Variants in TRAPPC12 observed in about 807,000 individuals in gnomAD.
TRAPPC12 encodes the protein TPR repeat protein 15.
Under a neutral mutation model 69.2 loss-of-function variants are expected in TRAPPC12, and 61 were observed. That is an observed-to-expected ratio of 0.88 (90% CI 0.72 to 1.09). TRAPPC12 has a LOEUF of 1.09. Ranked by LOEUF, TRAPPC12 falls within the 50% of genes least tolerant of loss-of-function variation. The pLI is 0.00. For missense variants in TRAPPC12, 1,101 were observed against 1,016.4 expected (o/e 1.08, Z -1.13); for synonymous variants, 469 against 438.9 (o/e 1.07, Z -0.86).
At chr2:3,465,890 T>C (rs1430227413) in intron 9 of TRAPPC12, 195 bp downstream of exon 9, 6 of 588,384 alleles carry the variant, frequency 1.0e-5, no homozygotes, top group Non-Finnish European at 9.1e-6. Context: ...CTGCTGGCTT[T>C]TGTGCCTGTT....
chr2:3,455,238 A>T (rs1209304790), intron 6 of TRAPPC12: 1 of 152,052 alleles, frequency 6.6e-6, no homozygotes, highest in Non-Finnish European at 1.5e-5. Flanking sequence ...ATAAATTTTA[A>T]TTTTTGTAGA....
At position 3,465,705 on chromosome 2, in the gene TRAPPC12, C is replaced by G. The variant is rs775275374; in HGVS notation, c.1776+10C>G. 1 of 1,599,050 alleles carries G rather than the reference C, an allele frequency of 6.3e-7. No homozygotes were observed. Among genetic ancestry groups the G allele is most frequent in the South Asian group, 1.1e-5 (1 of 90,802 alleles). On this transcript the variant is annotated intron_variant, in intron 9 of 11. Coordinates refer to ENST00000324266, the MANE Select transcript of TRAPPC12 (RefSeq NM_016030.6). ...CCGGATTTCCCTGCAGGTACCTGTG[C>G]ACGGTCAGACATGAGCCAGAAAGGC... is the stretch of plus-strand genomic sequence containing the variant.
At chr2:3,473,128 C>T (rs1351697336) in intron 9 of TRAPPC12, among the ~76,000 whole-genome samples, 1 of 152,180 alleles carries the variant, frequency 6.6e-6, no homozygotes, top group Non-Finnish European at 1.5e-5. Context: ...CTAATTTATG[C>T]ATTGACAGCC....
intron 3 of TRAPPC12, among the ~76,000 whole-genome samples, chr2:3,412,631 G>A (rs1041173599): frequency 7.9e-5 from 12 of 152,188 alleles, no homozygotes; most frequent in East Asian, 1.9e-4. Context: ...GCAAGTGCAG[G>A]TGAGCTCTGA....
rs369239490 is a variant in TRAPPC12, at chr2:3,402,045, C to T, written c.1164+152C>T. Reference sequence around the variant, plus strand: ...TTGGAGTAGATGCCAGTCCTGTGCACCAAAAAGCATCATATTAATACATGG... The same window carrying T: ...TTGGAGTAGATGCCAGTCCTGTGCATCAAAAAGCATCATATTAATACATGG... On this transcript the variant is annotated intron_variant, in intron 3 of 11. Coordinates refer to ENST00000324266, the MANE Select transcript of TRAPPC12 (RefSeq NM_016030.6). The T allele has an allele frequency of 2.6e-5, 15 of 569,060 alleles. No individual in the cohort carries two copies. In the African/African-American group the frequency reaches 2.7e-4, roughly 10 times the overall value. 35.3% of individuals were successfully genotyped at this position (569,060 alleles called of 1,614,324 possible). A position where few individuals can be genotyped will look rare whatever the true frequency, so the allele number is the denominator to read the frequency against.
Position 3,388,436 on chromosome 2 carries a change from T to C in TRAPPC12, c.813T>C (p.Ala271=). The C allele has an allele frequency of 6.2e-7, 1 of 1,607,470 alleles. No individual in the cohort carries two copies. The highest frequency in any genetic ancestry group is 1.1e-5 in the South Asian group (1 of 90,186). ...EPVAMRGPQA[A]APPASPEPFA... is the part of the protein sequence containing the mutation. Reference sequence around the variant, plus strand: ...TGGCCATGCGAGGGCCCCAGGCAGCTGCGCCCCCGGCGTCGCCAGAGCCTT... The same window carrying C: ...TGGCCATGCGAGGGCCCCAGGCAGCCGCGCCCCCGGCGTCGCCAGAGCCTT... The change falls in exon 2 of 12, where the codon GCT becomes GCC. Residue 271 remains alanine (A), a synonymous_variant. Coordinates refer to ENST00000324266, the MANE Select transcript of TRAPPC12 (RefSeq NM_016030.6).
intron 9 of TRAPPC12, among the ~76,000 whole-genome samples, chr2:3,466,776 T>C (rs965517269): frequency 6.6e-6 from 1 of 152,176 alleles, no homozygotes; most frequent in Non-Finnish European, 1.5e-5. Context: ...CAGGCACAGA[T>C]GCGTGACGCG....
chr2:3,440,220 A>G (rs1308693661), intron 5 of TRAPPC12, among the ~76,000 whole-genome samples: 1 of 152,200 alleles, frequency 6.6e-6, no homozygotes, highest in African/African-American at 2.4e-5. Flanking sequence ...TTTGTTGATA[A>G]CCACAAAATA....
intron 1 of TRAPPC12, among the ~76,000 whole-genome samples, chr2:3,385,813 G>T (rs1302812071): frequency 6.6e-6 from 1 of 152,226 alleles, no homozygotes; most frequent in Non-Finnish European, 1.5e-5. Flanking sequence ...GGAGACTTCA[G>T]AGGGGGCACT....
Position 3,420,279 on chromosome 2 carries a change from C to T in TRAPPC12, c.1165-1602C>T, listed in dbSNP as rs1261705469. ...GGCTGGTGGCTTGCAGCAGGTCACA[C>T]GGCTACTCAGGCGTAGAGCCTGGCC... is the stretch of plus-strand genomic sequence containing the variant. On this transcript the variant is annotated intron_variant, in intron 3 of 11. Transcript: ENST00000324266. Among the ~76,000 whole-genome samples the T allele has an allele frequency of 4.6e-5, 7 of 152,184 alleles. 1 individual carries two copies. Among genetic ancestry groups the T allele is most frequent in the Admixed American group, 3.9e-4 (6 of 15,278 alleles).
rs894669417 is a variant in TRAPPC12 at position 3,414,866 on chromosome 2, C to T, written c.1165-7015C>T. Among the ~76,000 whole-genome samples, 12 of 152,174 alleles carry T rather than the reference C, an allele frequency of 7.9e-5. No individual in the cohort carries two copies. Among genetic ancestry groups the T allele is most frequent in the African/African-American group, 2.7e-4 (11 of 41,432 alleles). The stretch of plus-strand genomic sequence containing the variant: ...ATGTATGTATTTCTTATGGACATCA[C>T]GTACGTTGGCCCTTCATATCTACAG... On this transcript the variant is annotated intron_variant, in intron 3 of 11. Coordinates refer to ENST00000324266, the MANE Select transcript of TRAPPC12 (RefSeq NM_016030.6). This position sits in a 1 kb window ranked among gnomAD's most constrained non-coding sequence, Gnocchi z 4.9.
At chr2:3,389,561 C>A in intron 2 of TRAPPC12, 1 of 428,354 alleles carries the variant, frequency 2.3e-6, no homozygotes. Context: ...AGCGTGCACA[C>A]AGCTCTTTTC....
chr2:3,423,521 C>T (rs1490182533), intron 4 of TRAPPC12, among the ~76,000 whole-genome samples: 1 of 151,802 alleles, frequency 6.6e-6, no homozygotes, highest in Non-Finnish European at 1.5e-5. Flanking sequence ...CACCCCCAGC[C>T]CCGGCACCCG....
chr2:3,475,884 G>A (rs1028124739), intron 9 of TRAPPC12, among the ~76,000 whole-genome samples: 4 of 152,352 alleles, frequency 2.6e-5, no homozygotes, highest in South Asian at 4.1e-4. Flanking sequence ...GCTTGTAAGC[G>A]CTTGCCACGG....
chr2:3,416,537 TC>T (rs1366792174), intron 3 of TRAPPC12, among the ~76,000 whole-genome samples: 2 of 18,782 alleles, frequency 1.1e-4, no homozygotes, highest in Admixed American at 7.7e-4. Flanking sequence ...TTCACTGCCC[TC>T]CCCCTGCCTC....
rs1664512579 is a variant in TRAPPC12 at position 3,446,455 on chromosome 2, A to C, written c.1530+2564A>C. 2.6e-5 allele frequency among the ~76,000 whole-genome samples: 4 copies of C among 152,230 alleles called. No individual in the cohort carries two copies. The South Asian group carries it at 8.3e-4, about 32-fold the overall frequency. On this transcript the variant is annotated intron_variant, in intron 6 of 11. Transcript: ENST00000324266. Reference sequence around the variant, plus strand: ...AGCTGCACTGTGGCACAGCTGGTGGATGCCTGGACCAAGAGGGAAAGACCC... The same window carrying C: ...AGCTGCACTGTGGCACAGCTGGTGGCTGCCTGGACCAAGAGGGAAAGACCC...
intron 9 of TRAPPC12, among the ~76,000 whole-genome samples, chr2:3,465,998 G>T (rs566017209): frequency 6.6e-6 from 1 of 152,192 alleles, no homozygotes; most frequent in African/African-American, 2.4e-5. Context: ...TGACTAAACC[G>T]TGAGGAATCT....
rs1662001503 is a variant in TRAPPC12, at chr2:3,410,561, ATGTT to A, written c.1164+8671_1164+8674del. 3.3e-5 allele frequency among the ~76,000 whole-genome samples: 5 copies of A among 152,232 alleles called. No individual in the cohort carries two copies. In the South Asian group the frequency reaches 6.2e-4, roughly 19 times the overall value. ...GCAAATAATTTTATTACACATGTAA[ATGTT>A]TGATTGGTGGCGAGTATCTATACAT... On this transcript the variant is annotated intron_variant, in intron 3 of 11. Coordinates refer to ENST00000324266, the MANE Select transcript of TRAPPC12 (RefSeq NM_016030.6).
chr2:3,464,975 G>A (rs532698247), intron 8 of TRAPPC12, among the ~76,000 whole-genome samples: 8 of 152,350 alleles, frequency 5.3e-5, no homozygotes, highest in South Asian at 2.1e-4. Flanking sequence ...CACGGCAGCT[G>A]GCACAGCGCT....
Sources: gnomAD v4.1 joint callset for allele counts (sites outside exome capture counted in the v4.1 genomes callset) on GRCh38, gnomAD v4.1.1 for gene constraint, Gnocchi (gnomAD v3.1) non-coding constraint, MANE v1.5 for transcripts, NCBI Gene and HGNC (gene_info 2026-07-23, HGNC 2026-07-21) for gene names.